Variants in CTTN observed in about 807,000 individuals in gnomAD.
CTTN encodes the protein cortactin.
Under a neutral mutation model 84.0 loss-of-function variants are expected in CTTN, and 28 were observed. The observed-to-expected ratio is 0.33, with a 90% confidence interval of 0.25 to 0.46. The LOEUF (loss-of-function observed/expected upper bound fraction) is 0.46, where lower values mean the gene tolerates loss of function less well. Ranked by LOEUF, CTTN falls within the 20% of genes least tolerant of loss-of-function variation. CTTN has a pLI of 1.00. For missense variants in CTTN, 641 were observed against 723.8 expected (o/e 0.89, Z 1.31); for synonymous variants, 301 against 288.8 (o/e 1.04, Z -0.43).
chr11:70,420,157 G>A (rs142574465), intron 9 of CTTN: 18 of 596,880 alleles, frequency 3.0e-5, no homozygotes, highest in East Asian at 1.7e-4. Context: ...AGCCGCATGC[G>A]TGGGAGCTTC....
intron 1 of CTTN, among the ~76,000 whole-genome samples, chr11:70,401,491 AAG>A (rs2057980403): frequency 6.6e-6 from 1 of 151,718 alleles, no homozygotes; most frequent in African/African-American, 2.4e-5. Context: ...AAAAAAGAAA[AAG>A]AAAAATTAGC....
chr11:70,430,231 C>T (rs909075990), intron 14 of CTTN, among the ~76,000 whole-genome samples: 20 of 152,236 alleles, frequency 1.3e-4, no homozygotes, highest in African/African-American at 4.8e-4. Context: ...CAGATCCTGC[C>T]TGGGCAGCTC....
chr11:70,435,318 A>G lies in CTTN; in HGVS notation c.*156A>G, dbSNP rs1339140175. The G allele has an allele frequency of 1.6e-6, 2 of 1,259,300 alleles. No homozygotes were observed. Among genetic ancestry groups the G allele is most frequent in the Admixed American group, 4.3e-5 (1 of 23,208 alleles). The allele number at this position is 1,259,300 out of a possible 1,614,324, so 78.0% of individuals were successfully genotyped here. A position where few individuals can be genotyped will look rare whatever the true frequency, so the allele number is the denominator to read the frequency against. On this transcript the variant is annotated 3_prime_UTR_variant, in exon 18 of 18. Transcript: ENST00000301843. ...GAATATACACATTGCTTTTATATTT[A>G]ATACTTTTGCTGATGCTTTTGAAAA...
In CTTN at chr11:70,426,184, G is replaced by A. The variant is rs996366941; in HGVS notation, c.1027+783G>A. On this transcript the variant is annotated intron_variant, in intron 13 of 17. Coordinates refer to ENST00000301843, the MANE Select transcript of CTTN (RefSeq NM_005231.4). ...GCACTTTGGGAGGCCAAGACGGGCGGATCACGAGGTCAGGAGATCGAGACC... is the reference window on the plus strand; with the variant it reads ...GCACTTTGGGAGGCCAAGACGGGCGAATCACGAGGTCAGGAGATCGAGACC... Among the ~76,000 whole-genome samples, 17 of 152,178 alleles carry A rather than the reference G, an allele frequency of 1.1e-4. 1 individual carries two copies. The highest frequency in any genetic ancestry group is 2.5e-4 in the Non-Finnish European group (17 of 68,032).
In CTTN at chr11:70,433,153, C is replaced by A; in HGVS notation, c.1319C>A (p.Thr440Lys). Residue 440 changes from threonine (T) to lysine (K), a missense_variant, in exon 16 of 18, where the codon ACG becomes AAG. By Grantham distance (78) the Thr-to-Lys change is moderately conservative. Coordinates refer to ENST00000301843, the MANE Select transcript of CTTN (RefSeq NM_005231.4). ...ELSYRGPVSG[T>K]EPEPVYSMEA... ...AGCTACAGAGGCCCTGTGAGTGGGA[C>A]GGAGCCGGAGCCCGTGTACAGCATG... 6.2e-7 allele frequency: 1 copy of A among 1,613,802 alleles called. No homozygotes were observed. The highest frequency in any genetic ancestry group is 8.5e-7 in the Non-Finnish European group (1 of 1,180,008).
intron 1 of CTTN, among the ~76,000 whole-genome samples, chr11:70,403,460 TA>T (rs1052747488): frequency 6.6e-6 from 1 of 152,208 alleles, no homozygotes; most frequent in Admixed American, 6.5e-5. Context: ...GTGCTGGGAT[TA>T]CAGGCGTGAG....
Position 70,433,351 on chromosome 11 carries a change from G to A in CTTN, c.1444+73G>A, listed in dbSNP as rs574082052. 38 of 1,441,160 alleles carry A rather than the reference G, an allele frequency of 2.6e-5. No homozygotes were observed. In the African/African-American group the frequency reaches 2.8e-4, roughly 11 times the overall value. The allele number at this position is 1,441,160 out of a possible 1,614,324, so 89.3% of individuals were successfully genotyped here. On this transcript the variant is annotated intron_variant, in intron 16 of 17. Coordinates refer to ENST00000301843, the MANE Select transcript of CTTN (RefSeq NM_005231.4). ...CGGGACATCCTGCTCGACCTGTGGC[G>A]TCGTTGCGAGGAGCGTGGGTTTCCC...
intron 4 of CTTN, among the ~76,000 whole-genome samples, chr11:70,408,794 C>T (rs1231610483): frequency 6.6e-6 from 1 of 152,140 alleles, no homozygotes; most frequent in African/African-American, 2.4e-5. Flanking sequence ...GGTGGCCGTG[C>T]GGCTGCCCAG....
chr11:70,398,672 T>C (rs2057937940), intron 1 of CTTN, 58 bp downstream of exon 1: 1 of 152,102 alleles, frequency 6.6e-6, no homozygotes, highest in African/African-American at 2.4e-5. Context: ...TTCCCTCCTG[T>C]GGCGTCGCCT....
intron 8 of CTTN, 47 bp downstream of exon 8, chr11:70,417,170 A>G: frequency 7.0e-7 from 1 of 1,418,816 alleles, no homozygotes; most frequent in Admixed American, 1.7e-5. Context: ...CTCCAGAAAC[A>G]CCCACGAGGG....
chr11:70,433,631 C>T lies in CTTN; in HGVS notation c.1445-16C>T. 6.3e-7 allele frequency: 1 copy of T among 1,589,924 alleles called. No homozygotes were observed. The highest frequency in any genetic ancestry group is 8.6e-7 in the Non-Finnish European group (1 of 1,158,400). ...GGGACTTTGTATTGTTCAGCTCTGT[C>T]ATGGCTTTCTTTTAGAGGACAGCAC... is the stretch of plus-strand genomic sequence containing the variant. On this transcript the variant is annotated splice_polypyrimidine_tract_variant and intron_variant, in intron 16 of 17. Coordinates refer to ENST00000301843, the MANE Select transcript of CTTN (RefSeq NM_005231.4).
At chr11:70,432,434 C>T (rs558780873) in intron 15 of CTTN, among the ~76,000 whole-genome samples, 35 of 152,222 alleles carry the variant, frequency 2.3e-4, no homozygotes, top group Admixed American at 2.6e-4. Context: ...TCTGAGCTGT[C>T]GGCATTGCTT....
chr11:70,419,798 T>C lies in CTTN; in HGVS notation c.621T>C (p.Asp207=). 6.2e-7 allele frequency: 1 copy of C among 1,613,010 alleles called. No homozygotes were observed. ...GKYGIDKDKV[D]KSAVGFEYQG... ...ACGGTATCGACAAGGACAAAGTGGA[T>C]AAGAGCGCCGTTGGCTTTGAGTATC... The change falls in exon 9 of 18, where the codon GAT becomes GAC. Residue 207 remains aspartate, a synonymous_variant. Coordinates refer to ENST00000301843, the MANE Select transcript of CTTN (RefSeq NM_005231.4).
chr11:70,428,120 G>A (rs576707918), intron 13 of CTTN, among the ~76,000 whole-genome samples: 97 of 146,936 alleles, frequency 6.6e-4, no homozygotes, highest in African/African-American at 2.4e-3. Context: ...CCACAGTCCC[G>A]GACACAGCAG....
At position 70,407,008 on chromosome 11, in the gene CTTN, C is replaced by T. The variant is rs982316562; in HGVS notation, c.1-290C>T. 2.0e-5 allele frequency among the ~76,000 whole-genome samples: 3 copies of T among 152,064 alleles called. No homozygotes were observed. In the South Asian group the frequency reaches 6.2e-4, roughly 31 times the overall value. On this transcript the variant is annotated intron_variant, in intron 2 of 17. Coordinates refer to ENST00000301843, the MANE Select transcript of CTTN (RefSeq NM_005231.4). The stretch of plus-strand genomic sequence containing the variant: ...TGTTCTTAATGAATAAATAAGTGCA[C>T]ACACGACTTTTTTATTTTCCAGAAA...
rs1472101353 is a variant in CTTN at position 70,409,811 on chromosome 11, T to G, written c.162-20T>G. 1 of 1,613,518 alleles carries G rather than the reference T, an allele frequency of 6.2e-7. No individual in the cohort carries two copies. Among genetic ancestry groups the G allele is most frequent in the Non-Finnish European group, 8.5e-7 (1 of 1,179,568 alleles). ...CGTCTGTTTTATTGATCTGTTCCTA[T>G]TTTCATCTCTTCCATCAAGCATACA... On this transcript the variant is annotated intron_variant, in intron 4 of 17. Coordinates refer to ENST00000301843, the MANE Select transcript of CTTN (RefSeq NM_005231.4).
chr11:70,399,580 T>C (rs1226289642), intron 1 of CTTN, among the ~76,000 whole-genome samples: 1 of 151,494 alleles, frequency 6.6e-6, no homozygotes, highest in Non-Finnish European at 1.5e-5. Flanking sequence ...TCCTTCGGGG[T>C]GTGTTTAAAA....
chr11:70,420,860 G>A (rs891253823), intron 10 of CTTN, among the ~76,000 whole-genome samples: 2 of 152,088 alleles, frequency 1.3e-5, no homozygotes, highest in African/African-American at 4.8e-5. Flanking sequence ...TGTCAGGCCT[G>A]CAGCGGGGGG....
In CTTN at chr11:70,422,807, G is replaced by A. The variant is rs963683289; in HGVS notation, c.902-133G>A. 26 of 1,516,106 alleles carry A rather than the reference G, an allele frequency of 1.7e-5. No individual in the cohort carries two copies. In the Middle Eastern group the frequency reaches 8.1e-4, roughly 47 times the overall value. 93.9% of individuals were successfully genotyped at this position (1,516,106 alleles called of 1,614,324 possible). A position where few individuals can be genotyped will look rare whatever the true frequency, so the allele number is the denominator to read the frequency against. On this transcript the variant is annotated intron_variant, in intron 11 of 17. Coordinates refer to ENST00000301843, the MANE Select transcript of CTTN (RefSeq NM_005231.4). ...AAACTTGCCTTGCAAGTGAAGCCTC[G>A]CTTGGCCATTCTCGTTTCTTCCCGC...
Sources: allele counts gnomAD v4.1 joint callset (sites outside exome capture counted in the v4.1 genomes callset), GRCh38; gene constraint gnomAD v4.1.1; transcripts MANE v1.5; gene names NCBI Gene and HGNC (gene_info 2026-07-23, HGNC 2026-07-21).